The following DOK6 variants were observed in gnomAD, a reference collection of about 807,000 sequenced individuals.
DOK6 encodes the protein downstream of tyrosine kinase 6.
A neutral mutation model predicts 44.0 loss-of-function variants in DOK6; 22 were observed. The ratio of observed to expected loss-of-function variants is 0.50; its 90% CI spans 0.36 to 0.71. The LOEUF is 0.71. Ranked by LOEUF, DOK6 falls within the 30% of genes least tolerant of loss-of-function variation. The pLI is 0.00. For missense variants in DOK6, 340 were observed against 416.4 expected, an observed-to-expected ratio of 0.82 and a Z score of 1.60; for synonymous variants, 166 against 145.5, an observed-to-expected ratio of 1.14 and a Z score of -1.01.
chr18:69,694,642 G>C (rs1279720820), intron 4 of DOK6, among the ~76,000 whole-genome samples: 1 of 151,960 alleles, frequency 6.6e-6, no homozygotes, highest in Non-Finnish European at 1.5e-5. Context: ...AATCTTATAT[G>C]AATGAATACA....
chr18:69,601,808 T>A (rs12968410), intron 3 of DOK6, among the ~76,000 whole-genome samples: 2 of 151,986 alleles, frequency 1.3e-5, no homozygotes, highest in Admixed American at 6.6e-5. Flanking sequence ...GACCGGGGCA[T>A]GAAATACACA....
intron 7 of DOK6, among the ~76,000 whole-genome samples, chr18:69,796,683 T>C (rs1980754047): frequency 6.6e-6 from 1 of 152,200 alleles, no homozygotes; most frequent in African/African-American, 2.4e-5. Context: ...AGTGTACCTG[T>C]CAAATTAGCT....
At chr18:69,673,314 C>T (rs1985850150) in intron 3 of DOK6, among the ~76,000 whole-genome samples, 1 of 152,160 alleles carries the variant, frequency 6.6e-6, no homozygotes, top group African/African-American at 2.4e-5. Context: ...ATGTCATTAT[C>T]TTAAGGGCTA....
intron 7 of DOK6, among the ~76,000 whole-genome samples, chr18:69,832,067 G>A (rs1376626443): frequency 6.6e-6 from 1 of 152,122 alleles, no homozygotes; most frequent in Admixed American, 6.5e-5. Flanking sequence ...CTGGTACTAT[G>A]TTGAATAAAA....
chr18:69,606,431 C>G (rs1294269531), intron 3 of DOK6, among the ~76,000 whole-genome samples: 2 of 151,728 alleles, frequency 1.3e-5, no homozygotes, highest in Admixed American at 6.6e-5. Context: ...TTATGAAAAG[C>G]CCACAGCTAA....
intron 3 of DOK6, among the ~76,000 whole-genome samples, chr18:69,612,986 A>G (rs1216874641): frequency 6.6e-6 from 1 of 151,452 alleles, no homozygotes; most frequent in Non-Finnish European, 1.5e-5. Context: ...GGCTCAGTCA[A>G]TCCTCCCACC....
chr18:69,655,761 CAAAA>C (rs74175379), intron 3 of DOK6, among the ~76,000 whole-genome samples: 147 of 43,162 alleles, frequency 3.4e-3, no homozygotes, highest in South Asian at 9.1e-3. Context: ...CCCCACCCCT[CAAAA>C]AAAAAAAAAA....
chr18:69,848,599 T>C lies in DOK6; in HGVS notation c.*7216T>C, dbSNP rs2092329025. On this transcript the variant is annotated 3_prime_UTR_variant, in exon 8 of 8. Coordinates refer to ENST00000382713, the MANE Select transcript of DOK6 (RefSeq NM_152721.6). ...ATAAAATTAGGAAATTAAATTATTT[T>C]TAAATCTGTCTGTGTGATTTTTCCC... is the stretch of plus-strand genomic sequence containing the variant. 1 of 152,222 alleles carries C rather than the reference T, an allele frequency of 6.6e-6. No homozygotes were observed. Among genetic ancestry groups the C allele is most frequent in the South Asian group, 2.1e-4 (1 of 4,832 alleles). The allele number at this position is 152,222 out of a possible 1,614,324, so 9.4% of individuals were successfully genotyped here.
intron 3 of DOK6, among the ~76,000 whole-genome samples, chr18:69,627,512 C>G (rs879597116): frequency 6.6e-6 from 1 of 152,014 alleles, no homozygotes; most frequent in Non-Finnish European, 1.5e-5. Context: ...GCAATGGAGC[C>G]ATCTCGGCTC....
chr18:69,774,778 C>T (rs907359586), intron 7 of DOK6, among the ~76,000 whole-genome samples: 4 of 151,642 alleles, frequency 2.6e-5, no homozygotes, highest in African/African-American at 9.7e-5. Flanking sequence ...GGAGATGATA[C>T]AGCAAATGGG....
chr18:69,558,190 C>T (rs1982735921), intron 1 of DOK6, among the ~76,000 whole-genome samples: 2 of 152,090 alleles, frequency 1.3e-5, no homozygotes, highest in Non-Finnish European at 2.9e-5. Context: ...CATAAGGCAT[C>T]AGTTATAGGG....
chr18:69,816,571 G>T (rs1171639715), intron 7 of DOK6, among the ~76,000 whole-genome samples: 7 of 152,188 alleles, frequency 4.6e-5, no homozygotes, highest in Non-Finnish European at 7.3e-5. Context: ...TATGTATGGA[G>T]CATTTACAGG....
chr18:69,689,862 G>C (rs1986227545), intron 4 of DOK6, among the ~76,000 whole-genome samples: 1 of 151,976 alleles, frequency 6.6e-6, no homozygotes, highest in African/African-American at 2.4e-5. Flanking sequence ...ATAAATTATA[G>C]CACAGCTATA....
At chr18:69,614,815 ATG>A (rs745623274) in intron 3 of DOK6, among the ~76,000 whole-genome samples, 19 of 148,350 alleles carry the variant, frequency 1.3e-4, no homozygotes, top group East Asian at 2.0e-4. Flanking sequence ...ACACACACAT[ATG>A]TGTGTGTGTG....
intron 3 of DOK6, among the ~76,000 whole-genome samples, chr18:69,651,914 G>A (rs73973519): frequency 1.0e-4 from 15 of 148,122 alleles, no homozygotes; most frequent in Non-Finnish European, 1.7e-4. Flanking sequence ...GAATCCTTTC[G>A]ATACAAAATT....
intron 1 of DOK6, among the ~76,000 whole-genome samples, chr18:69,546,774 C>T (rs1374741574): frequency 6.6e-6 from 1 of 151,456 alleles, no homozygotes; most frequent in Non-Finnish European, 1.5e-5. Context: ...GTAGCCATCA[C>T]CTTGAGTATT....
At chr18:69,554,473 G>A (rs769270199) in intron 1 of DOK6, among the ~76,000 whole-genome samples, 5 of 152,082 alleles carry the variant, frequency 3.3e-5, no homozygotes, top group Non-Finnish European at 5.9e-5. Flanking sequence ...TCAACATAAC[G>A]TTTTTGAGAT....
At chr18:69,473,520 G>A (rs894849619) in intron 1 of DOK6, among the ~76,000 whole-genome samples, 2 of 152,100 alleles carry the variant, frequency 1.3e-5, no homozygotes, top group Non-Finnish European at 2.9e-5. Context: ...ATTTCTTTCA[G>A]CCATTGAAGA....
intron 1 of DOK6, among the ~76,000 whole-genome samples, chr18:69,550,101 GA>G (rs1435031032): frequency 6.6e-6 from 1 of 150,948 alleles, no homozygotes; most frequent in Non-Finnish European, 1.5e-5. Flanking sequence ...AAACATTTTT[GA>G]CAAAAAATAA....
Sources: gnomAD v4.1 joint callset for allele counts (sites outside exome capture counted in the v4.1 genomes callset) on GRCh38, gnomAD v4.1.1 for gene constraint, MANE v1.5 for transcripts, NCBI Gene and HGNC (gene_info 2026-07-23, HGNC 2026-07-21) for gene names.